The following PECAM1 variants were observed in gnomAD, a reference collection of about 807,000 sequenced individuals.
The protein encoded by PECAM1 is platelet endothelial cell adhesion molecule.
In PECAM1, 8 loss-of-function variants were observed where a neutral mutation model predicts 13.8. The ratio of observed to expected loss-of-function variants is 0.58; its 90% CI spans 0.34 to 1.05. PECAM1 has a LOEUF of 1.05. Among genes scored for constraint, PECAM1 ranks in the 50% least tolerant of loss-of-function variants. The probability of loss-of-function intolerance (pLI) is 0.03; values close to 1 mark genes in which losing one functional copy is unlikely to be tolerated. For synonymous variants in PECAM1, 136 were observed against 52.6 expected (o/e 2.58, Z -6.86); for missense variants, 304 against 141.2 (o/e 2.15, Z -5.84).
rs1441904128 is a variant in PECAM1, at chr17:64,379,584, A to G, written c.92-1467T>C. ...TGTGGTCTTAGTTTTACCCCTTGAC[A>G]TATCTCAAAGCACTCACTAGCTTCC... On this transcript the variant is annotated intron_variant, in intron 2 of 15. Coordinates refer to ENST00000563924, the MANE Select transcript of PECAM1 (RefSeq NM_000442.5). 7.2e-5 allele frequency among the ~76,000 whole-genome samples: 11 copies of G among 152,250 alleles called. No individual in the cohort carries two copies. The South Asian group carries it at 2.1e-3, about 29-fold the overall frequency.
chr17:64,375,651 CT>C lies in PECAM1; in HGVS notation c.386-296del, dbSNP rs1431187468. Among the ~76,000 whole-genome samples the C allele has an allele frequency of 2.7e-4, 41 of 151,072 alleles. 1 individual carries two copies. Among genetic ancestry groups the C allele is most frequent in the Middle Eastern group, 3.4e-3 (1 of 292 alleles). On this transcript the variant is annotated intron_variant, in intron 3 of 15. Coordinates refer to ENST00000563924, the MANE Select transcript of PECAM1 (RefSeq NM_000442.5). ...CCTGGGCAACACGGTGAAATGCTAT[CT>C]CTACAAAAAAAAAAATTAAAAATTA... is the stretch of plus-strand genomic sequence containing the variant.
chr17:64,334,121 T>TA (rs1182996970), intron 14 of PECAM1, among the ~76,000 whole-genome samples: 107,070 of 121,122 alleles, frequency 0.88, 47,773 homozygotes, highest in East Asian at 0.99. Context: ...ATACAACAAT[T>TA]AAAAAAAAAA....
chr17:64,336,015 G>A lies in PECAM1; in HGVS notation c.2164+5619C>T, dbSNP rs1044163298. 1.6e-3 allele frequency among the ~76,000 whole-genome samples: 249 copies of A among 152,204 alleles called. 3 individuals are homozygous for A. Among genetic ancestry groups the A allele is most frequent in the Non-Finnish European group, 2.6e-3 (174 of 68,008 alleles). On this transcript the variant is annotated intron_variant, in intron 14 of 15. Transcript: ENST00000563924. ...GTGGTGTCTCACACCTGTTATCCCA[G>A]CACTTTGGGAGGCCAAGGCAGGTGG...
At chr17:64,334,740 C>T (rs2035225518) in intron 14 of PECAM1, among the ~76,000 whole-genome samples, 1 of 152,102 alleles carries the variant, frequency 6.6e-6, no homozygotes, top group African/African-American at 2.4e-5. Flanking sequence ...ATCTCCTGAC[C>T]TCATGATCCG....
intron 2 of PECAM1, among the ~76,000 whole-genome samples, chr17:64,384,794 A>G (rs2036558141): frequency 6.6e-6 from 1 of 152,272 alleles, no homozygotes; most frequent in Non-Finnish European, 1.5e-5. Context: ...AATCTGTGTT[A>G]TCTTAAGCCA....
At chr17:64,372,587 C>G (rs2143856197) in intron 4 of PECAM1, among the ~76,000 whole-genome samples, 1 of 152,214 alleles carries the variant, frequency 6.6e-6, no homozygotes, top group Non-Finnish European at 1.5e-5. Flanking sequence ...ACTGCAACCT[C>G]CACCTTCCAG....
chr17:64,328,180 AC>A (rs1459924459), intron 15 of PECAM1, among the ~76,000 whole-genome samples: 2 of 152,202 alleles, frequency 1.3e-5, no homozygotes, highest in Admixed American at 6.5e-5. Flanking sequence ...GTCCAGAGAC[AC>A]CCTTTGGATC....
intron 7 of PECAM1, 118 bp from the exon 8 acceptor site, chr17:64,356,516 C>A: frequency 2.5e-6 from 1 of 402,726 alleles, no homozygotes. Context: ...CTCTTATCAC[C>A]CAGGCTGGAG....
chr17:64,380,885 G>C (rs2036467045), intron 2 of PECAM1, among the ~76,000 whole-genome samples: 1 of 152,170 alleles, frequency 6.6e-6, no homozygotes, highest in Non-Finnish European at 1.5e-5. Context: ...TACTTGGGAG[G>C]CTGAGGCAGG....
At position 64,352,779 on chromosome 17, in the gene PECAM1, C is replaced by T. The variant is rs898100450; in HGVS notation, c.1917-316G>A. Among the ~76,000 whole-genome samples the T allele has an allele frequency of 1.1e-4, 17 of 152,056 alleles. No individual in the cohort carries two copies. In the South Asian group the frequency reaches 1.7e-3, roughly 15 times the overall value. On this transcript the variant is annotated intron_variant, in intron 10 of 15. Coordinates refer to ENST00000563924, the MANE Select transcript of PECAM1 (RefSeq NM_000442.5). ...AAGCGATTCTCGTGCCTCAGCCTCC[C>T]GAGTAGCTGGGATTACAGGCATGCA...
chr17:64,383,904 G>T (rs974768844), intron 2 of PECAM1, among the ~76,000 whole-genome samples: 2 of 152,096 alleles, frequency 1.3e-5, no homozygotes, highest in Admixed American at 1.3e-4. Flanking sequence ...GGCCTAGGTC[G>T]GTGGATCACC....
chr17:64,369,692 G>C (rs1026450126), intron 5 of PECAM1, 58 bp downstream of exon 5: 36 of 398,456 alleles, frequency 9.0e-5, no homozygotes, highest in African/African-American at 6.8e-4. Flanking sequence ...CTGGATTGCA[G>C]CATGGTGGCC....
Position 64,323,476 on chromosome 17 carries a change from A to G in PECAM1, c.*340T>C. 1 of 1,244,544 alleles carries G rather than the reference A, an allele frequency of 8.0e-7. No homozygotes were observed. Among genetic ancestry groups the G allele is most frequent in the Non-Finnish European group, 1.0e-6 (1 of 983,752 alleles). 77.1% of individuals were successfully genotyped at this position (1,244,544 alleles called of 1,614,324 possible). ...TTTCTGTGTATGAGGGTGCATGGAA[A>G]AGGTCTTTATCTCTGCACAAAACAA... On this transcript the variant is annotated 3_prime_UTR_variant, in exon 16 of 16. Transcript: ENST00000563924.
At chr17:64,384,623 C>T (rs1465006896) in intron 2 of PECAM1, among the ~76,000 whole-genome samples, 1 of 152,166 alleles carries the variant, frequency 6.6e-6, no homozygotes, top group Non-Finnish European at 1.5e-5. Flanking sequence ...AGCCCATAGC[C>T]ACAGGAGTGA....
intron 6 of PECAM1, 83 bp downstream of exon 6, chr17:64,363,066 C>T: frequency 2.1e-6 from 1 of 472,144 alleles, no homozygotes; most frequent in Non-Finnish European, 3.9e-6. Flanking sequence ...TCTGCTCAGA[C>T]CGGAGAGGGC....
intron 2 of PECAM1, chr17:64,390,055 G>GAA: frequency 1.3e-5 from 2 of 151,018 alleles, no homozygotes; most frequent in Non-Finnish European, 2.9e-5. Context: ...AAAAAAAAAG[G>GAA]AAAAAAAAAA....
intron 6 of PECAM1, among the ~76,000 whole-genome samples, chr17:64,362,550 G>A (rs2036007643): frequency 6.6e-6 from 1 of 152,154 alleles, no homozygotes; most frequent in Non-Finnish European, 1.5e-5. Context: ...TACTTGGGAG[G>A]CTGAGGCAGG....
chr17:64,352,293 T>G, intron 11 of PECAM1, 97 bp downstream of exon 11: 3 of 425,614 alleles, frequency 7.0e-6, no homozygotes, highest in Non-Finnish European at 1.3e-5. Flanking sequence ...CTCTTCCAAC[T>G]GTAATCCCAC....
intron 2 of PECAM1, among the ~76,000 whole-genome samples, chr17:64,388,210 C>T (rs1371911204): frequency 3.3e-5 from 5 of 151,994 alleles, no homozygotes; most frequent in East Asian, 1.9e-4. Flanking sequence ...GAGAGCACCA[C>T]GGTTTTGGGA....
Sources: gnomAD v4.1 joint callset for allele counts (sites outside exome capture counted in the v4.1 genomes callset) on GRCh38, gnomAD v4.1.1 for gene constraint, MANE v1.5 for transcripts, NCBI Gene and HGNC (gene_info 2026-07-23, HGNC 2026-07-21) for gene names.